Variants in SESTD1 observed in about 807,000 individuals in gnomAD.
The protein encoded by SESTD1 is SEC14 domain and spectrin repeat-containing protein 1.
In SESTD1, 43 loss-of-function variants were observed where a neutral mutation model predicts 101.7. The ratio of observed to expected loss-of-function variants is 0.42; its 90% CI spans 0.33 to 0.55. The LOEUF (loss-of-function observed/expected upper bound fraction) is 0.55, where lower values mean the gene tolerates loss of function less well. Ranked by LOEUF, SESTD1 falls within the 20% of genes least tolerant of loss-of-function variation. The probability of loss-of-function intolerance (pLI) is 0.07; values close to 1 mark genes in which losing one functional copy is unlikely to be tolerated. For missense variants in SESTD1, 647 were observed against 815.1 expected (o/e 0.79, Z 2.51); for synonymous variants, 283 against 286.8 (o/e 0.99, Z 0.13).
chr2:179,170,508 C>T (rs2045913585), intron 5 of SESTD1, among the ~76,000 whole-genome samples: 1 of 152,124 alleles, frequency 6.6e-6, no homozygotes, highest in Admixed American at 6.6e-5. Flanking sequence ...TCCTGAAACC[C>T]TTGTAATTCC....
intron 1 of SESTD1, among the ~76,000 whole-genome samples, chr2:179,193,390 A>C (rs544350396): frequency 6.6e-6 from 1 of 152,320 alleles, no homozygotes; most frequent in Admixed American, 6.5e-5. Context: ...GACTAGTAGG[A>C]AGTAGAAGGA....
At chr2:179,182,176 G>A (rs181976310) in intron 3 of SESTD1, among the ~76,000 whole-genome samples, 1 of 152,030 alleles carries the variant, frequency 6.6e-6, no homozygotes, top group Non-Finnish European at 1.5e-5. Flanking sequence ...TGATGAAAAT[G>A]TTTAAAATTC....
rs1575439587 is a variant in SESTD1 at position 179,143,627 on chromosome 2, T to C, written c.814A>G (p.Thr272Ala). ...QEVCRQRSKR[T>A]QLEEIQQKVM... ...TTCTGTTGAATCTCTTCTAACTGTG[T>C]GCGCTTGCTACGTTGCCTACAAACT... Residue 272 changes from threonine to alanine, a missense_variant, in exon 9 of 18, where the codon ACA becomes GCA. Physicochemically the swap from Thr to Ala is moderately conservative, Grantham distance 58 (BLOSUM62 0). This residue lies in a region of SESTD1 where 476 missense variants were observed against 562.6 expected (regional missense o/e 0.85). Coordinates refer to ENST00000428443, the MANE Select transcript of SESTD1 (RefSeq NM_178123.5). 1 of 1,613,994 alleles carries C rather than the reference T, an allele frequency of 6.2e-7. No homozygotes were observed.
intron 10 of SESTD1, among the ~76,000 whole-genome samples, chr2:179,128,968 A>G (rs2044946967): frequency 6.6e-6 from 1 of 152,224 alleles, no homozygotes; most frequent in Non-Finnish European, 1.5e-5. Flanking sequence ...CAGGATTGAC[A>G]ATGCAATCAT....
chr2:179,121,690 G>A (rs2044754584), intron 13 of SESTD1, 80 bp downstream of exon 13: 1 of 1,252,794 alleles, frequency 8.0e-7, no homozygotes, highest in Non-Finnish European at 1.1e-6. Flanking sequence ...CGTTTTGTCT[G>A]TATATAAAAT....
intron 7 of SESTD1, 139 bp downstream of exon 7, chr2:179,149,158 C>A (rs1434441221): frequency 6.0e-6 from 3 of 504,034 alleles, no homozygotes; most frequent in South Asian, 2.3e-5. Flanking sequence ...CAAATTCTCA[C>A]GAATATTGTA....
intron 6 of SESTD1, among the ~76,000 whole-genome samples, chr2:179,150,680 C>T (rs1358202224): frequency 6.6e-6 from 1 of 152,028 alleles, no homozygotes. Context: ...ATTAGCTGGG[C>T]GTGGTGGCGC....
At chr2:179,130,997 T>C (rs1329379240) in intron 10 of SESTD1, among the ~76,000 whole-genome samples, 2 of 149,860 alleles carry the variant, frequency 1.3e-5, no homozygotes, top group Non-Finnish European at 2.9e-5. Flanking sequence ...ATGCATAAAA[T>C]AAATCGATTT....
intron 1 of SESTD1, among the ~76,000 whole-genome samples, chr2:179,254,849 T>C (rs1025973646): frequency 6.6e-6 from 1 of 152,246 alleles, no homozygotes; most frequent in African/African-American, 2.4e-5. Context: ...GTGATAATCC[T>C]AAGTGGAGCA....
intron 1 of SESTD1, among the ~76,000 whole-genome samples, chr2:179,238,558 CA>C (rs1449094452): frequency 1.2e-4 from 19 of 152,130 alleles, no homozygotes; most frequent in South Asian, 1.0e-3. Context: ...TATGAAGCAT[CA>C]GCCCCTTTGA....
intron 1 of SESTD1, among the ~76,000 whole-genome samples, chr2:179,244,332 G>A (rs35539795): frequency 0.16 from 24,259 of 151,660 alleles, 2,388 homozygotes; most frequent in African/African-American, 0.27. Context: ...GATGGCCCAC[G>A]CCTGTAGTCC....
rs2044390304 is a variant in SESTD1 at position 179,106,671 on chromosome 2, G to T, written c.*3228C>A. Reference sequence around the variant, plus strand: ...AATAGCCAATGTAAATTTGTATAAAGTGAGAAGTATTCAATCTTCTACCTA... The same window carrying T: ...AATAGCCAATGTAAATTTGTATAAATTGAGAAGTATTCAATCTTCTACCTA... On this transcript the variant is annotated 3_prime_UTR_variant, in exon 18 of 18. Transcript: ENST00000428443. The T allele has an allele frequency of 6.6e-6, 1 of 152,144 alleles. No individual in the cohort carries two copies. Among genetic ancestry groups the T allele is most frequent in the African/African-American group, 2.4e-5 (1 of 41,430 alleles). The allele number at this position is 152,144 out of a possible 1,614,324, so 9.4% of individuals were successfully genotyped here.
At chr2:179,241,480 C>T (rs2047152411) in intron 1 of SESTD1, among the ~76,000 whole-genome samples, 1 of 151,964 alleles carries the variant, frequency 6.6e-6, no homozygotes, top group Admixed American at 6.6e-5. Context: ...ATCTTATCTA[C>T]AAGAGAAAAC....
At chr2:179,123,182 C>T (rs967310803) in intron 12 of SESTD1, among the ~76,000 whole-genome samples, 1 of 152,214 alleles carries the variant, frequency 6.6e-6, no homozygotes, top group Admixed American at 6.5e-5. Flanking sequence ...TGTCAAATGA[C>T]ATCAAGCCTA....
rs111235266 is a variant in SESTD1, at chr2:179,210,540, T to C, written c.-25-18674A>G. Among the ~76,000 whole-genome samples the C allele has an allele frequency of 3.1e-3, 419 of 135,368 alleles. 92 individuals are homozygous for C. The highest frequency in any genetic ancestry group is 0.012 in the African/African-American group (399 of 34,412). The allele number at this position is 135,368 out of a possible 152,430, so 88.8% of individuals were successfully genotyped here. On this transcript the variant is annotated intron_variant, in intron 1 of 17. Transcript: ENST00000428443. ...GGTTGGTTTAACATACACCAGTTGA[T>C]ATATGTGATAACCACATAAACAAAA...
intron 10 of SESTD1, among the ~76,000 whole-genome samples, chr2:179,128,132 T>C (rs1357421110): frequency 6.6e-6 from 1 of 152,206 alleles, no homozygotes; most frequent in Non-Finnish European, 1.5e-5. Flanking sequence ...CCCTGGAATA[T>C]ATATTTCAAC....
At chr2:179,138,861 AC>A in intron 9 of SESTD1, among the ~76,000 whole-genome samples, 1 of 124,324 alleles carries the variant, frequency 8.0e-6, no homozygotes, top group Middle Eastern at 3.9e-3. Context: ...ATAGACTGAA[AC>A]CCTGTCTCAA....
At chr2:179,162,815 T>A (rs1405296067) in intron 5 of SESTD1, among the ~76,000 whole-genome samples, 2 of 90,970 alleles carry the variant, frequency 2.2e-5, no homozygotes, top group Non-Finnish European at 4.2e-5. Flanking sequence ...TGAAACCTCG[T>A]CTCTAGTAAA....
At chr2:179,254,337 C>A (rs2047361782) in intron 1 of SESTD1, among the ~76,000 whole-genome samples, 1 of 152,084 alleles carries the variant, frequency 6.6e-6, no homozygotes, top group South Asian at 2.1e-4. Flanking sequence ...TTTCCACCAA[C>A]CTCCTTTCTC....
Sources: allele counts gnomAD v4.1 joint callset (sites outside exome capture counted in the v4.1 genomes callset), GRCh38; gene constraint gnomAD v4.1.1; regional missense constraint gnomAD v4.1.1; transcripts MANE v1.5; gene names NCBI Gene and HGNC (gene_info 2026-07-23, HGNC 2026-07-21).